CACNA1B: variants seen among roughly 807,000 people sequenced by gnomAD.
CACNA1B encodes voltage-dependent N-type calcium channel subunit alpha-1B.
In CACNA1B, 70 loss-of-function variants were observed where a neutral mutation model predicts 247.2. That is an observed-to-expected ratio of 0.28 (90% CI 0.23 to 0.35). The LOEUF is 0.35. Among genes scored for constraint, CACNA1B ranks in the 10% least tolerant of loss-of-function variants. The pLI, the probability that CACNA1B is intolerant of heterozygous loss-of-function variation, is 1.00. For missense variants in CACNA1B, 2,367 were observed against 3,197.4 expected (o/e 0.74, Z 6.26); for synonymous variants, 1,231 against 1,294.4 (o/e 0.95, Z 1.05).
At chr9:137,898,581 C>T (rs1441814258) in intron 3 of CACNA1B, among the ~76,000 whole-genome samples, 1 of 152,136 alleles carries the variant, frequency 6.6e-6, no homozygotes, top group East Asian at 1.9e-4. Context: ...TCATGGCTTG[C>T]TGCAGCCTCC....
rs774911216 is a variant in CACNA1B at position 138,024,996 on chromosome 9, T to C, written c.3110T>C (p.Val1037Ala). ...CTGGAGACCAGTGGGACTGTGACTG[T>C]GGGTCCCATGCACACACTGCCCAGC... is the stretch of plus-strand genomic sequence containing the variant. ...CDLETSGTVTVGPMHTLPSTC... is the reference protein window; with the variant it reads ...CDLETSGTVTAGPMHTLPSTC... The change falls in exon 20 of 47, where the codon GTG (valine) becomes GCG (alanine). Residue 1037 changes from valine (V) to alanine (A), a missense_variant. This residue lies in a region of CACNA1B where 631 missense variants were observed against 631.1 expected (regional missense o/e 1.00). Coordinates refer to ENST00000371372, the MANE Select transcript of CACNA1B (RefSeq NM_000718.4). The C allele has an allele frequency of 1.9e-6, 3 of 1,595,508 alleles. No individual in the cohort carries two copies. Among genetic ancestry groups the C allele is most frequent in the Admixed American group, 3.5e-5 (2 of 57,142 alleles).
In CACNA1B at chr9:138,015,742, G is replaced by A. The variant is rs74942018; in HGVS notation, c.2267+2507G>A. Among the ~76,000 whole-genome samples, 933 of 152,330 alleles carry A rather than the reference G, an allele frequency of 6.1e-3. 29 individuals are homozygous for A. The East Asian group carries it at 0.11, about 17-fold the overall frequency. ...ACATGCCTCAGAAGGGCACCCTAGC[G>A]TGTCGCATGCAGTGCTGTGCGTATC... On this transcript the variant is annotated intron_variant, in intron 18 of 46. Transcript: ENST00000371372.
intron 15 of CACNA1B, among the ~76,000 whole-genome samples, chr9:137,999,118 C>T (rs906495061): frequency 6.6e-6 from 1 of 152,014 alleles, no homozygotes; most frequent in African/African-American, 2.4e-5. Context: ...ACCAGCCTGG[C>T]GTGGTGAAAC....
intron 18 of CACNA1B, among the ~76,000 whole-genome samples, chr9:138,016,094 C>T (rs537118488): frequency 6.6e-6 from 1 of 152,188 alleles, no homozygotes; most frequent in East Asian, 1.9e-4. Flanking sequence ...TCACAACACT[C>T]ACAATCTCAC....
chr9:138,118,670 C>T lies in CACNA1B; in HGVS notation c.5932C>T (p.Gln1978Ter), dbSNP rs1208976862. ...SGALAVDVQM[Q>*]SITRRGPDGE... ...TCCACAGGCTGTGGACGTTCAGATG[C>T]AGAGCATAACCCGGAGGGGCCCTGA... The change falls in exon 44 of 47, where the codon CAG becomes TAG. Residue 1978 changes from glutamine to a stop codon, truncating the protein, a stop_gained. Transcript: ENST00000371372. LOFTEE classifies it high-confidence loss of function. 2 of 1,553,534 alleles carry T rather than the reference C, an allele frequency of 1.3e-6. No homozygotes were observed. Among genetic ancestry groups the T allele is most frequent in the Non-Finnish European group, 8.7e-7 (1 of 1,143,200 alleles).
chr9:137,983,839 G>T (rs73669832), intron 12 of CACNA1B, among the ~76,000 whole-genome samples: 1,613 of 143,492 alleles, frequency 0.011, 27 homozygotes, highest in African/African-American at 0.039. Flanking sequence ...TGTAAGGTCT[G>T]CCAGGAAGCC....
Position 138,052,021 on chromosome 9 carries a change from TG to T in CACNA1B, c.3711-65del. 4 of 862,250 alleles carry T rather than the reference TG, an allele frequency of 4.6e-6. No homozygotes were observed. Among genetic ancestry groups the T allele is most frequent in the African/African-American group, 1.7e-5 (1 of 60,364 alleles). The allele number at this position is 862,250 out of a possible 1,614,324, so 53.4% of individuals were successfully genotyped here. On this transcript the variant is annotated intron_variant, in intron 24 of 46. Transcript: ENST00000371372. The surrounding 1 kb of genome is among the most constrained non-coding windows in gnomAD (Gnocchi z 5.1). The stretch of plus-strand genomic sequence containing the variant: ...GCACAGGGGAGCAGGACTCAGACCC[TG>T]GGGGGCCACGTGGGAGCTGGGCACA...
rs71387879 is a variant in CACNA1B at position 138,022,805 on chromosome 9, TGGG to T, written c.2268-196_2268-194del. Among the ~76,000 whole-genome samples the T allele has an allele frequency of 3.0e-4, 40 of 132,046 alleles. 1 individual carries two copies. Among genetic ancestry groups the T allele is most frequent in the African/African-American group, 9.0e-4 (36 of 39,884 alleles). 86.6% of individuals were successfully genotyped at this position (132,046 alleles called of 152,430 possible). On this transcript the variant is annotated intron_variant, in intron 18 of 46. Transcript: ENST00000371372. ...ACCTTGCGGGTCCTGTGGGACACCG[TGGG>T]GGGGGGGGGCGGCGGGGCTGAATTC...
intron 6 of CACNA1B, among the ~76,000 whole-genome samples, chr9:137,928,376 G>A (rs762321016): frequency 1.1e-4 from 16 of 152,250 alleles, no homozygotes; most frequent in Middle Eastern, 3.4e-3. Context: ...GATTACAGGC[G>A]TGAGCCCCAC....
intron 6 of CACNA1B, among the ~76,000 whole-genome samples, chr9:137,949,386 T>G (rs1255630752): frequency 6.6e-6 from 1 of 150,730 alleles, no homozygotes; most frequent in Non-Finnish European, 1.5e-5. Context: ...TGCATGTGTG[T>G]GGTGTGTGCG....
chr9:138,074,058 G>A lies in CACNA1B; in HGVS notation c.4849G>A (p.Gly1617Ser). The A allele has an allele frequency of 1.9e-6, 3 of 1,612,358 alleles. No homozygotes were observed. Among genetic ancestry groups the A allele is most frequent in the Non-Finnish European group, 1.7e-6 (2 of 1,179,476 alleles). ...GCTGTTCTTCATCTACGCCATCATCGGCATGCAGGTGGGTGCTCCCCTTTG... is the reference window on the plus strand; with the variant it reads ...GCTGTTCTTCATCTACGCCATCATCAGCATGCAGGTGGGTGCTCCCCTTTG... ...AMLFFIYAII[G>S]MQVFGNIALD... is the part of the protein sequence containing the mutation. Residue 1617 changes from glycine to serine, a missense_variant, in exon 34 of 47, where the codon GGC becomes AGC. By Grantham distance (56) the Gly-to-Ser change is moderately conservative (BLOSUM62 0). This residue lies in a region of CACNA1B where 436 missense variants were observed against 679.5 expected (regional missense o/e 0.64). Transcript: ENST00000371372.
chr9:138,057,877 C>A lies in CACNA1B; in HGVS notation c.4106+8C>A. 6.3e-7 allele frequency: 1 copy of A among 1,598,754 alleles called. No homozygotes were observed. The highest frequency in any genetic ancestry group is 8.6e-7 in the Non-Finnish European group (1 of 1,168,160). On this transcript the variant is annotated splice_region_variant and intron_variant, in intron 27 of 46. Coordinates refer to ENST00000371372, the MANE Select transcript of CACNA1B (RefSeq NM_000718.4). The surrounding 1 kb of genome is among the most constrained non-coding windows in gnomAD (Gnocchi z 4.0). The stretch of plus-strand genomic sequence containing the variant: ...GGGAGAAGGCTGGCCCATGTGAGTG[C>A]TCATCCTGCTCTCCGTAGCTGGGGC...
At chr9:138,096,706 C>A in intron 37 of CACNA1B, 95 bp downstream of exon 37, 1 of 1,301,646 alleles carries the variant, frequency 7.7e-7, no homozygotes, top group Non-Finnish European at 1.1e-6. Flanking sequence ...TTCAAGTGAG[C>A]ACCCCCTCAG....
intron 12 of CACNA1B, among the ~76,000 whole-genome samples, chr9:137,978,908 C>T (rs1487893345): frequency 6.6e-6 from 1 of 152,154 alleles, no homozygotes; most frequent in African/African-American, 2.4e-5. Context: ...ATCCAGGGTG[C>T]TCTCTGAGAC....
At chr9:137,927,823 C>T (rs1047444734) in intron 6 of CACNA1B, among the ~76,000 whole-genome samples, 1 of 152,024 alleles carries the variant, frequency 6.6e-6, no homozygotes, top group Non-Finnish European at 1.5e-5. Context: ...TCTATTCTTA[C>T]TTTTCTGAGA....
In CACNA1B at chr9:137,996,546, C is replaced by T. The variant is rs542073382; in HGVS notation, c.1974+9692C>T. ...GAGGGGGACGAGGAATAAAAAACTACAGCGTATGCTGCTTGGGTGATGGGT... is the reference window on the plus strand; with the variant it reads ...GAGGGGGACGAGGAATAAAAAACTATAGCGTATGCTGCTTGGGTGATGGGT... On this transcript the variant is annotated intron_variant, in intron 15 of 46. Transcript: ENST00000371372. Among the ~76,000 whole-genome samples the T allele has an allele frequency of 2.0e-5, 3 of 152,282 alleles. No individual in the cohort carries two copies. The East Asian group carries it at 5.8e-4, about 29-fold the overall frequency.
intron 20 of CACNA1B, among the ~76,000 whole-genome samples, chr9:138,031,120 G>C (rs1958982989): frequency 6.6e-6 from 1 of 151,856 alleles, no homozygotes; most frequent in Non-Finnish European, 1.5e-5. Flanking sequence ...CTAGTTTCTT[G>C]GGGTAGGAGC....
At chr9:138,019,783 C>T (rs1252084838) in intron 18 of CACNA1B, among the ~76,000 whole-genome samples, 2 of 152,060 alleles carry the variant, frequency 1.3e-5, no homozygotes, top group Non-Finnish European at 2.9e-5. Context: ...TGCATCCATC[C>T]GCGGGGTGGA....
intron 20 of CACNA1B, among the ~76,000 whole-genome samples, chr9:138,036,955 C>T (rs1246035853): frequency 6.6e-6 from 1 of 152,212 alleles, no homozygotes; most frequent in African/African-American, 2.4e-5. Flanking sequence ...TCAAATTTTA[C>T]TAGTTATTTC....
Sources: allele counts gnomAD v4.1 joint callset (sites outside exome capture counted in the v4.1 genomes callset), GRCh38; gene constraint gnomAD v4.1.1; regional missense constraint gnomAD v4.1.1; non-coding constraint Gnocchi (gnomAD v3.1); transcripts MANE v1.5; gene names NCBI Gene and HGNC (gene_info 2026-07-23, HGNC 2026-07-21).